SETD2: variants seen among roughly 807,000 people sequenced by gnomAD.
SETD2 encodes the protein SET domain containing 2, histone lysine methyltransferase.
A neutral mutation model predicts 242.1 loss-of-function variants in SETD2; 31 were observed. The observed-to-expected ratio is 0.13, with a 90% CI of 0.10 to 0.17. The LOEUF (loss-of-function observed/expected upper bound fraction) is 0.17, where lower values mean the gene tolerates loss of function less well. SETD2 is among the 10% of genes least tolerant of loss of function. The pLI is 1.00. For synonymous variants in SETD2, 1,006 were observed against 1,066.5 expected, an observed-to-expected ratio of 0.94 and a Z score of 1.11; for missense variants, 2,481 against 3,046.3, an observed-to-expected ratio of 0.81 and a Z score of 4.37.
At chr3:47,067,601 G>T (rs2040618023) in intron 12 of SETD2, among the ~76,000 whole-genome samples, 1 of 151,896 alleles carries the variant, frequency 6.6e-6, no homozygotes, top group Non-Finnish European at 1.5e-5. Flanking sequence ...TTTTTGTAGA[G>T]ATGGGGTTTT....
At chr3:47,130,176 A>G (rs2043445114) in intron 1 of SETD2, among the ~76,000 whole-genome samples, 1 of 152,242 alleles carries the variant, frequency 6.6e-6, no homozygotes, top group African/African-American at 2.4e-5. Context: ...GAAGGCAAGA[A>G]GTTGAGAGAA....
At chr3:47,163,710 C>G in intron 1 of SETD2, 144 bp downstream of exon 1, 11 of 562,136 alleles carry the variant, frequency 2.0e-5, no homozygotes, top group East Asian at 5.8e-5. Flanking sequence ...GCGGCGCGGG[C>G]CTGCTCCCGA....
chr3:47,112,523 C>T (rs531161130), intron 5 of SETD2, among the ~76,000 whole-genome samples: 1 of 152,182 alleles, frequency 6.6e-6, no homozygotes, highest in Admixed American at 6.5e-5. Flanking sequence ...CTCAGGTGAT[C>T]TGCCCACCTC....
chr3:47,030,128 AAC>A lies in SETD2; in HGVS notation c.7350+7536_7350+7537del, dbSNP rs201771638. ...CGCACCACCGAACTCCAGCCTGGGCAACAGAGTGAGACCCTGTCTTGAAAAAA... is the reference window on the plus strand; with the variant it reads ...CGCACCACCGAACTCCAGCCTGGGCAAGAGTGAGACCCTGTCTTGAAAAAA... On this transcript the variant is annotated intron_variant, in intron 18 of 20. Coordinates refer to ENST00000409792, the MANE Select transcript of SETD2 (RefSeq NM_014159.7). Among the ~76,000 whole-genome samples the A allele has an allele frequency of 3.3e-5, 5 of 152,150 alleles. No individual in the cohort carries two copies. The East Asian group carries it at 9.6e-4, about 29-fold the overall frequency.
At chr3:47,105,626 A>G (rs541488371) in intron 6 of SETD2, 9 of 433,492 alleles carry the variant, frequency 2.1e-5, no homozygotes, top group South Asian at 8.3e-5. Flanking sequence ...GTCGCTTAAT[A>G]TATTTTAGAA....
chr3:47,091,955 A>G (rs534283379), intron 9 of SETD2, among the ~76,000 whole-genome samples: 1 of 150,390 alleles, frequency 6.6e-6, no homozygotes, highest in African/African-American at 2.5e-5. Context: ...AAAAACAAAC[A>G]AAAAAAAAGA....
chr3:47,128,410 T>C (rs2043398180), intron 1 of SETD2, among the ~76,000 whole-genome samples: 1 of 152,256 alleles, frequency 6.6e-6, no homozygotes, highest in African/African-American at 2.4e-5. Flanking sequence ...CAGCGAGATT[T>C]GTATTTTCAG....
intron 1 of SETD2, among the ~76,000 whole-genome samples, chr3:47,137,296 G>T (rs1258145209): frequency 6.6e-6 from 1 of 151,854 alleles, no homozygotes; most frequent in South Asian, 2.1e-4. Context: ...GGGTTCAAGC[G>T]ATTCTCCTGC....
Position 47,112,634 on chromosome 3 carries a change from G to A in SETD2, c.4715+1242C>T, listed in dbSNP as rs546884912. Among the ~76,000 whole-genome samples, 270 of 151,916 alleles carry A rather than the reference G, an allele frequency of 1.8e-3. 1 individual carries two copies. The highest frequency in any genetic ancestry group is 3.1e-3 in the Non-Finnish European group (212 of 67,964). On this transcript the variant is annotated intron_variant, in intron 5 of 20. Coordinates refer to ENST00000409792, the MANE Select transcript of SETD2 (RefSeq NM_014159.7). ...AGATGGAGTCTTGCTCTGTCTCCCA[G>A]GCTAGAGGGCAGTGGCATGATCTCG...
rs761384846 is a variant in SETD2 at position 47,106,102 on chromosome 3, T to C, written c.4734A>G (p.Glu1578=). The change falls in exon 6 of 21, where the codon GAA becomes GAG. Residue 1578 remains glutamate, a synonymous_variant. Coordinates refer to ENST00000409792, the MANE Select transcript of SETD2 (RefSeq NM_014159.7). ...TATGATCGAGTACCTCTCCACAATA[T>C]TCTAGGACAAAGGTGTTCCTGCAAA... ...KDLPSNTFVL[E]YCGEVLDHKE... 2 of 1,613,420 alleles carry C rather than the reference T, an allele frequency of 1.2e-6. No homozygotes were observed. The highest frequency in any genetic ancestry group is 1.7e-6 in the Non-Finnish European group (2 of 1,179,642).
intron 9 of SETD2, among the ~76,000 whole-genome samples, chr3:47,097,642 T>C (rs1362686640): frequency 6.6e-6 from 1 of 152,134 alleles, no homozygotes; most frequent in Non-Finnish European, 1.5e-5. Flanking sequence ...TAACAAGAGA[T>C]TAGAAACGTA....
chr3:47,113,881 A>G lies in SETD2; in HGVS notation c.4710T>C (p.Leu1570=). The G allele has an allele frequency of 6.2e-7, 1 of 1,605,356 alleles. No individual in the cohort carries two copies. The highest frequency in any genetic ancestry group is 8.5e-7 in the Non-Finnish European group (1 of 1,177,734). Residue 1570 remains leucine, a synonymous_variant, in exon 5 of 21, where the codon CTT becomes CTC. Transcript: ENST00000409792. ...GTAATTAAAAAAGAACTTACGAAGG[A>G]AGGTCTTTGGCAGCTCTCAAGCCCC... is the stretch of plus-strand genomic sequence containing the variant. ...KGWGLRAAKD[L]PSNTFVLEYC... is the part of the protein sequence containing the mutation.
At chr3:47,113,631 C>T (rs2042742027) in intron 5 of SETD2, among the ~76,000 whole-genome samples, 1 of 151,902 alleles carries the variant, frequency 6.6e-6, no homozygotes, top group South Asian at 2.1e-4. Context: ...GGTCAGAGTT[C>T]GAAACCAGCC....
chr3:47,110,295 G>C (rs2042600478), intron 5 of SETD2, among the ~76,000 whole-genome samples: 3 of 152,304 alleles, frequency 2.0e-5, no homozygotes, highest in African/African-American at 7.2e-5. Flanking sequence ...CTGCTTAACA[G>C]GCAGAGTTAG....
At chr3:47,058,493 C>T (rs1018267715) in intron 14 of SETD2, among the ~76,000 whole-genome samples, 10 of 113,344 alleles carry the variant, frequency 8.8e-5, no homozygotes, top group African/African-American at 3.5e-4. Context: ...TCACATAAGA[C>T]TTGTACATAG....
chr3:47,054,688 G>A (rs2039981414), intron 15 of SETD2, among the ~76,000 whole-genome samples: 1 of 151,974 alleles, frequency 6.6e-6, no homozygotes, highest in South Asian at 2.1e-4. Flanking sequence ...CTAGCCTTCT[G>A]TAACAACAGT....
rs1219857550 is a variant in SETD2, at chr3:47,057,160, G to A, written c.6624C>T (p.Pro2208=). 7.4e-6 allele frequency: 12 copies of A among 1,614,008 alleles called. No homozygotes were observed. The highest frequency in any genetic ancestry group is 1.0e-5 in the Non-Finnish European group (12 of 1,179,988). ...CSPAPYDHAQ[P]LVGHSTEPLS... Reference sequence around the variant, plus strand: ...GGGGTTCTGTAGAATGTCCCACCAAGGGCTGAGCATGATCATAAGGAGCAG... The same window carrying A: ...GGGGTTCTGTAGAATGTCCCACCAAAGGCTGAGCATGATCATAAGGAGCAG... The change falls in exon 15 of 21, where the codon CCC becomes CCT. Residue 2208 remains proline, a synonymous_variant. Transcript: ENST00000409792.
chr3:47,163,156 A>C (rs963684326), intron 1 of SETD2, among the ~76,000 whole-genome samples: 3 of 152,232 alleles, frequency 2.0e-5, no homozygotes, highest in South Asian at 2.1e-4. Context: ...GCGGAAAAAC[A>C]AACCCGGTGT....
In SETD2 at chr3:47,042,648, G is replaced by C. The variant is rs2039333773; in HGVS notation, c.7151C>G (p.Pro2384Arg). The C allele has an allele frequency of 6.2e-7, 1 of 1,612,662 alleles. No homozygotes were observed. Among genetic ancestry groups the C allele is most frequent in the African/African-American group, 1.3e-5 (1 of 74,762 alleles). ...AGGTAAGACAATGGTTTTTGGTTTG[G>C]GAGGAGAGGGGGGCGGCAGATCCAA... ...NLLDLPPPSP[P>R]KPKTIVLPPN... Residue 2384 changes from proline to arginine, a missense_variant, in exon 17 of 21, where the codon CCC becomes CGC. This residue lies in a region of SETD2 where 235 missense variants were observed against 293.9 expected (regional missense o/e 0.80). Transcript: ENST00000409792.
Sources: allele counts gnomAD v4.1 joint callset (sites outside exome capture counted in the v4.1 genomes callset), GRCh38; gene constraint gnomAD v4.1.1; regional missense constraint gnomAD v4.1.1; transcripts MANE v1.5; gene names NCBI Gene and HGNC (gene_info 2026-07-23, HGNC 2026-07-21).